The following KIAA1217 variants were observed in gnomAD, a reference collection of about 807,000 sequenced individuals.
KIAA1217 encodes the protein KIAA1217, also known as sickle tail protein homolog.
A neutral mutation model predicts 163.9 loss-of-function variants in KIAA1217; 88 were observed. The observed-to-expected ratio is 0.54, with a 90% CI of 0.45 to 0.64. The LOEUF is 0.64. KIAA1217 is among the 30% of genes least tolerant of loss of function. The pLI is 0.00. For missense variants in KIAA1217, 2,372 were observed against 2,475.0 expected, an observed-to-expected ratio of 0.96 and a Z score of 0.88; for synonymous variants, 903 against 923.1, an observed-to-expected ratio of 0.98 and a Z score of 0.39.
intron 1 of KIAA1217, among the ~76,000 whole-genome samples, chr10:23,893,278 T>C (rs1254816084): frequency 1.3e-5 from 2 of 152,120 alleles, no homozygotes; most frequent in Admixed American, 6.5e-5. Context: ...TTTATTTGCA[T>C]AGAGGTGTTT....
At chr10:24,132,919 G>A (rs907286724) in intron 2 of KIAA1217, among the ~76,000 whole-genome samples, 2 of 152,176 alleles carry the variant, frequency 1.3e-5, no homozygotes, top group African/African-American at 4.8e-5. Context: ...GTGGATTGAT[G>A]ACTCAAACAT....
At chr10:24,196,498 C>T (rs1355786650) in intron 2 of KIAA1217, among the ~76,000 whole-genome samples, 1 of 152,150 alleles carries the variant, frequency 6.6e-6, no homozygotes, top group Non-Finnish European at 1.5e-5. Context: ...CTTGCTGTAC[C>T]AAGTATCGGG....
chr10:23,825,625 G>T (rs957053812), intron 1 of KIAA1217, among the ~76,000 whole-genome samples: 14 of 152,222 alleles, frequency 9.2e-5, no homozygotes, highest in Admixed American at 7.9e-4. Flanking sequence ...TTTCCATTTT[G>T]GTTTAAGTAA....
chr10:23,948,824 C>T (rs1262446892), intron 1 of KIAA1217, among the ~76,000 whole-genome samples: 2 of 152,036 alleles, frequency 1.3e-5, no homozygotes, highest in Non-Finnish European at 2.9e-5. Context: ...GAAAAAGCAA[C>T]ATTTAAAACC....
chr10:24,289,295 C>A (rs999033090), intron 2 of KIAA1217, among the ~76,000 whole-genome samples: 2 of 151,930 alleles, frequency 1.3e-5, no homozygotes, highest in Non-Finnish European at 2.9e-5. Context: ...TATAGATGCT[C>A]CTTCTGGAAG....
chr10:23,746,962 GT>G (rs1295003278), intron 1 of KIAA1217, among the ~76,000 whole-genome samples: 1 of 152,128 alleles, frequency 6.6e-6, no homozygotes, highest in East Asian at 1.9e-4. Context: ...TAAGCAAAGT[GT>G]GCCAAGGGAG....
chr10:23,826,356 G>T (rs1045207369), intron 1 of KIAA1217, among the ~76,000 whole-genome samples: 1 of 152,098 alleles, frequency 6.6e-6, no homozygotes, highest in African/African-American at 2.4e-5. Flanking sequence ...CTTTATTGTA[G>T]TTCAAAGGTT....
intron 3 of KIAA1217, among the ~76,000 whole-genome samples, chr10:24,427,953 T>C (rs2059301135): frequency 6.6e-6 from 1 of 152,216 alleles, no homozygotes; most frequent in Non-Finnish European, 1.5e-5. Context: ...AAGGCATTTT[T>C]CCCATCCTGC....
At chr10:24,499,785 G>A (rs551622033) in intron 8 of KIAA1217, among the ~76,000 whole-genome samples, 1 of 152,212 alleles carries the variant, frequency 6.6e-6, no homozygotes, top group East Asian at 1.9e-4. Flanking sequence ...GGGTCTCCTG[G>A]AGCTCCATTG....
chr10:24,239,408 C>T (rs1163697118), intron 2 of KIAA1217: 12 of 532,344 alleles, frequency 2.3e-5, no homozygotes, highest in African/African-American at 2.1e-4. Context: ...CTCTGTTTCT[C>T]GGCATTGTTC....
At chr10:24,422,259 G>A (rs117109313) in intron 3 of KIAA1217, among the ~76,000 whole-genome samples, 30,879 of 152,122 alleles carry the variant, frequency 0.2, 3,899 homozygotes, top group South Asian at 0.3. Context: ...ATAAGATTTG[G>A]CTGGGGACAT....
At chr10:24,366,770 A>G (rs1460258116) in intron 2 of KIAA1217, among the ~76,000 whole-genome samples, 1 of 152,164 alleles carries the variant, frequency 6.6e-6, no homozygotes, top group Non-Finnish European at 1.5e-5. Context: ...TAAGAAAGCT[A>G]TTTCATTTGG....
chr10:24,410,919 T>C (rs2131327207), intron 3 of KIAA1217, among the ~76,000 whole-genome samples: 1 of 152,302 alleles, frequency 6.6e-6, no homozygotes, highest in South Asian at 2.1e-4. Context: ...CCTTCGTGCG[T>C]GTCTTCTTTT....
At chr10:23,983,539 G>A (rs1430658241) in intron 1 of KIAA1217, among the ~76,000 whole-genome samples, 1 of 152,074 alleles carries the variant, frequency 6.6e-6, no homozygotes, top group Non-Finnish European at 1.5e-5. Context: ...CAGATCTCAC[G>A]AGAACTCACC....
chr10:24,139,322 A>T (rs987999376), intron 2 of KIAA1217, among the ~76,000 whole-genome samples: 3 of 152,132 alleles, frequency 2.0e-5, no homozygotes, highest in Admixed American at 6.5e-5. Context: ...ATTCCAAAAC[A>T]ATTTACTTTT....
intron 1 of KIAA1217, among the ~76,000 whole-genome samples, chr10:24,216,658 C>G (rs2068855101): frequency 6.6e-6 from 1 of 151,476 alleles, no homozygotes; most frequent in South Asian, 2.1e-4. Flanking sequence ...GAAACCCCAT[C>G]TCTATTAGAA....
chr10:23,758,357 C>A (rs762158615), intron 1 of KIAA1217, among the ~76,000 whole-genome samples: 149 of 152,160 alleles, frequency 9.8e-4, no homozygotes, highest in Admixed American at 3.7e-3. Flanking sequence ...TATTGGAAAT[C>A]ATTTGACCAT....
intron 2 of KIAA1217, among the ~76,000 whole-genome samples, chr10:24,075,934 A>G (rs934156550): frequency 6.9e-6 from 1 of 145,294 alleles, no homozygotes; most frequent in Admixed American, 6.7e-5. Flanking sequence ...TTATCAATGA[A>G]CCTTAATTTT....
At position 24,544,472 on chromosome 10, in the gene KIAA1217, T is replaced by TTCACGTAAGG; in HGVS notation, c.5204_5211+2dup. ...AGCCCCCTACGTCGATACCTTCAGC[T>TTCACGTAAGG]TCACGTAAGGTATCTTGGTCTGCTG... On this transcript the variant is annotated frameshift_variant, in exon 19 of 21. Coordinates refer to ENST00000376454, the MANE Select transcript of KIAA1217 (RefSeq NM_019590.5). LOFTEE classifies it high-confidence loss of function. The TTCACGTAAGG allele has an allele frequency of 6.2e-7, 1 of 1,610,758 alleles. No individual in the cohort carries two copies.
Sources: allele counts gnomAD v4.1 joint callset (sites outside exome capture counted in the v4.1 genomes callset), GRCh38; gene constraint gnomAD v4.1.1; transcripts MANE v1.5; gene names NCBI Gene and HGNC (gene_info 2026-07-23, HGNC 2026-07-21).